POM121L12: variants seen among roughly 807,000 people sequenced by gnomAD.
POM121L12 encodes the protein POM121-like protein 12.
For missense variants in POM121L12, 553 were observed against 409.2 expected, an observed-to-expected ratio of 1.35 and a Z score of -3.03; for synonymous variants, 251 against 179.2, an observed-to-expected ratio of 1.40 and a Z score of -3.20.
At position 53,036,197 on chromosome 7, in the gene POM121L12, G is replaced by A. The variant is rs777301332; in HGVS notation, c.526G>A (p.Glu176Lys). 2 of 1,612,252 alleles carry A rather than the reference G, an allele frequency of 1.2e-6. No individual in the cohort carries two copies. The highest frequency in any genetic ancestry group is 1.7e-6 in the Non-Finnish European group (2 of 1,179,716). Residue 176 changes from glutamate (E) to lysine (K), a missense_variant, in exon 1 of 1, where the codon GAG becomes AAG. Physicochemically the swap from Glu to Lys is moderately conservative, Grantham distance 56. Coordinates refer to ENST00000408890, the MANE Select transcript of POM121L12 (RefSeq NM_182595.4). ...AQELLDPCTR[E>K]TLLGALSQCP... ...GGAGCTCCTGGACCCCTGCACCCGG[G>A]AGACTCTGCTGGGGGCGCTCAGCCA...
At position 53,035,804 on chromosome 7, in the gene POM121L12, T is replaced by A. The variant is rs756451988; in HGVS notation, c.133T>A (p.Ser45Thr). 14 of 1,613,334 alleles carry A rather than the reference T, an allele frequency of 8.7e-6. No homozygotes were observed. In the Admixed American group the frequency reaches 1.7e-4, roughly 19 times the overall value. Residue 45 changes from serine (S) to threonine (T), a missense_variant, in exon 1 of 1, where the codon TCT (serine) becomes ACT (threonine). Ser to Thr is a moderately conservative substitution (Grantham distance 58). Transcript: ENST00000408890. ...RSPSTPQTTP[S>T]PQGRQSPWPL... ...ACCCAGCACGCCCCAGACCACGCCA[T>A]CTCCCCAGGGTCGCCAGAGTCCCTG... is the stretch of plus-strand genomic sequence containing the variant.
chr7:53,036,590 G>A lies in POM121L12; in HGVS notation c.*28G>A. ...ATCTGGGCTCTGCTACCCACCTCCG[G>A]AGACACAAGCCCACGTATCTACTTT... On this transcript the variant is annotated 3_prime_UTR_variant, in exon 1 of 1. Transcript: ENST00000408890. The A allele has an allele frequency of 6.4e-7, 1 of 1,571,636 alleles. No homozygotes were observed. The highest frequency in any genetic ancestry group is 2.2e-5 in the East Asian group (1 of 44,516).
Position 53,036,636 on chromosome 7 carries a change from A to G in POM121L12, c.*74A>G, listed in dbSNP as rs908454082. On this transcript the variant is annotated 3_prime_UTR_variant, in exon 1 of 1. Coordinates refer to ENST00000408890, the MANE Select transcript of POM121L12 (RefSeq NM_182595.4). ...ACTTTCACTTGCTCATCCTTGCTCT[A>G]CCTCAACGTGGGGCCCTGACACCAC... The G allele has an allele frequency of 7.4e-6, 11 of 1,484,354 alleles. No homozygotes were observed. Among genetic ancestry groups the G allele is most frequent in the Middle Eastern group, 1.8e-4 (1 of 5,578 alleles). 91.9% of individuals were successfully genotyped at this position (1,484,354 alleles called of 1,614,324 possible). A position where few individuals can be genotyped will look rare whatever the true frequency, so the allele number is the denominator to read the frequency against.
rs775680595 is a variant in POM121L12, at chr7:53,035,905, C to A, written c.234C>A (p.Ile78=). 2 of 1,613,032 alleles carry A rather than the reference C, an allele frequency of 1.2e-6. No individual in the cohort carries two copies. The highest frequency in any genetic ancestry group is 1.1e-5 in the South Asian group (1 of 91,064). The part of the protein sequence containing the change: ...WGRPVPSTHL[I]EVRPTQDPAK... ...GCCCGGTGCCCAGCACCCACCTCAT[C>A]GAGGTGCGGCCCACCCAGGACCCCG... The change falls in exon 1 of 1, where the codon ATC becomes ATA. Residue 78 remains isoleucine, a synonymous_variant. Transcript: ENST00000408890.
rs1001273523 is a variant in POM121L12, at chr7:53,036,688, C to T, written c.*126C>T. ...TTATCAAACATGCAGCCCCCACACCCCTCGTCTGCCCGCCCCCAGATCTTC... is the reference window on the plus strand; with the variant it reads ...TTATCAAACATGCAGCCCCCACACCTCTCGTCTGCCCGCCCCCAGATCTTC... On this transcript the variant is annotated 3_prime_UTR_variant, in exon 1 of 1. Coordinates refer to ENST00000408890, the MANE Select transcript of POM121L12 (RefSeq NM_182595.4). 2.0e-5 allele frequency: 20 copies of T among 1,013,810 alleles called. No homozygotes were observed. The highest frequency in any genetic ancestry group is 2.8e-5 in the Admixed American group (1 of 36,036). The allele number at this position is 1,013,810 out of a possible 1,614,324, so 62.8% of individuals were successfully genotyped here.
rs79921359 is a variant in POM121L12 at position 53,036,036 on chromosome 7, G to C, written c.365G>C (p.Gly122Ala). 3,110 of 1,613,078 alleles carry C rather than the reference G, an allele frequency of 1.9e-3. 38 individuals carry two copies. The African/African-American group carries it at 0.029, about 15-fold the overall frequency. Reference sequence around the variant, plus strand: ...TGTGCCTGGGAGGGTTGCATGAAAGGGGGGCTGTGTCGTGCCTGGAACCCA... The same window carrying C: ...TGTGCCTGGGAGGGTTGCATGAAAGCGGGGCTGTGTCGTGCCTGGAACCCA... ...LSCAWEGCMK[G>A]GLCRAWNPGR... The change falls in exon 1 of 1, where the codon GGG (glycine) becomes GCG (alanine). Residue 122 changes from glycine to alanine, a missense_variant. Coordinates refer to ENST00000408890, the MANE Select transcript of POM121L12 (RefSeq NM_182595.4).
chr7:53,036,189 G>A lies in POM121L12; in HGVS notation c.518G>A (p.Cys173Tyr), dbSNP rs750896609. ...RPAAQELLDP[C>Y]TRETLLGALS... ...GCCGCCCAGGAGCTCCTGGACCCCT[G>A]CACCCGGGAGACTCTGCTGGGGGCG... is the stretch of plus-strand genomic sequence containing the variant. Residue 173 changes from cysteine (C) to tyrosine (Y), a missense_variant, in exon 1 of 1, where the codon TGC becomes TAC. Physicochemically the swap from Cys to Tyr is radical, Grantham distance 194. Coordinates refer to ENST00000408890, the MANE Select transcript of POM121L12 (RefSeq NM_182595.4). 6.2e-7 allele frequency: 1 copy of A among 1,611,402 alleles called. No homozygotes were observed. Among genetic ancestry groups the A allele is most frequent in the Admixed American group, 1.7e-5 (1 of 59,966 alleles).
chr7:53,036,832 A>G lies in POM121L12; in HGVS notation c.*270A>G. On this transcript the variant is annotated 3_prime_UTR_variant, in exon 1 of 1. Coordinates refer to ENST00000408890, the MANE Select transcript of POM121L12 (RefSeq NM_182595.4). ...TCCTCTGAAAAGAGGCATTTCGGGAAGGCTTGCTTTTTCTCCATGTCTCCC... is the reference window on the plus strand; with the variant it reads ...TCCTCTGAAAAGAGGCATTTCGGGAGGGCTTGCTTTTTCTCCATGTCTCCC... The G allele has an allele frequency of 2.2e-6, 1 of 450,900 alleles. No homozygotes were observed. Among genetic ancestry groups the G allele is most frequent in the Non-Finnish European group, 4.0e-6 (1 of 247,096 alleles). The allele number at this position is 450,900 out of a possible 1,614,324, so 27.9% of individuals were successfully genotyped here. A position where few individuals can be genotyped will look rare whatever the true frequency, so the allele number is the denominator to read the frequency against.
At position 53,036,254 on chromosome 7, in the gene POM121L12, C is replaced by A. The variant is rs1282004072; in HGVS notation, c.583C>A (p.Pro195Thr). The change falls in exon 1 of 1, where the codon CCG becomes ACG. Residue 195 changes from proline to threonine, a missense_variant. Physicochemically the swap from Pro to Thr is conservative, Grantham distance 38 (BLOSUM62 -1). Coordinates refer to ENST00000408890, the MANE Select transcript of POM121L12 (RefSeq NM_182595.4). ...CPKGSARFDG[P>T]LWFEVSDSKG... ...CAAGGGAAGCGCTAGGTTCGACGGG[C>A]CGTTGTGGTTCGAGGTCTCAGACAG... 6.2e-7 allele frequency: 1 copy of A among 1,614,044 alleles called. No homozygotes were observed. Among genetic ancestry groups the A allele is most frequent in the Admixed American group, 1.7e-5 (1 of 60,026 alleles).
chr7:53,036,644 G>C lies in POM121L12; in HGVS notation c.*82G>C, dbSNP rs2116358910. On this transcript the variant is annotated 3_prime_UTR_variant, in exon 1 of 1. Coordinates refer to ENST00000408890, the MANE Select transcript of POM121L12 (RefSeq NM_182595.4). Reference sequence around the variant, plus strand: ...TTGCTCATCCTTGCTCTACCTCAACGTGGGGCCCTGACACCACGTTATCAA... The same window carrying C: ...TTGCTCATCCTTGCTCTACCTCAACCTGGGGCCCTGACACCACGTTATCAA... 6.9e-7 allele frequency: 1 copy of C among 1,443,366 alleles called. No individual in the cohort carries two copies. 89.4% of individuals were successfully genotyped at this position (1,443,366 alleles called of 1,614,324 possible).
chr7:53,035,967 G>A lies in POM121L12; in HGVS notation c.296G>A (p.Arg99His), dbSNP rs527696246. Residue 99 changes from arginine to histidine, a missense_variant, in exon 1 of 1, where the codon CGC (arginine) becomes CAC (histidine). Physicochemically the swap from Arg to His is conservative, Grantham distance 29. Coordinates refer to ENST00000408890, the MANE Select transcript of POM121L12 (RefSeq NM_182595.4). ...PQRVVSEGWR[R>H]PALPGETALG... ...CGGGTGGTCTCCGAGGGCTGGAGGC[G>A]CCCTGCCCTTCCCGGGGAGACCGCT... 89 of 1,612,502 alleles carry A rather than the reference G, an allele frequency of 5.5e-5. 1 individual carries two copies. Among genetic ancestry groups the A allele is most frequent in the Admixed American group, 5.3e-4 (32 of 59,984 alleles).
In POM121L12 at chr7:53,036,277, C is replaced by G. The variant is rs995859210; in HGVS notation, c.606C>G (p.Asp202Glu). The stretch of plus-strand genomic sequence containing the variant: ...GGCCGTTGTGGTTCGAGGTCTCAGA[C>G]AGCAAGGGTGGCAGGCGGAACCTGC... ...FDGPLWFEVSDSKGGRRNLQP... is the reference protein window; with the variant it reads ...FDGPLWFEVSESKGGRRNLQP... The change falls in exon 1 of 1, where the codon GAC (aspartate) becomes GAG (glutamate). Residue 202 changes from aspartate to glutamate, a missense_variant. Transcript: ENST00000408890. 1 of 1,614,000 alleles carries G rather than the reference C, an allele frequency of 6.2e-7. No individual in the cohort carries two copies. Among genetic ancestry groups the G allele is most frequent in the Non-Finnish European group, 8.5e-7 (1 of 1,180,022 alleles).
rs202031574 is a variant in POM121L12 at position 53,036,449 on chromosome 7, G to T, written c.778G>T (p.Ala260Ser). ...DAWPSVLVQP[A>S]PSAIWDFWEA... ...TTGGCCTTCCGTGCTGGTCCAGCCC[G>T]CCCCATCCGCCATCTGGGACTTCTG... The change falls in exon 1 of 1, where the codon GCC becomes TCC. Residue 260 changes from alanine (A) to serine (S), a missense_variant. Transcript: ENST00000408890. The T allele has an allele frequency of 5.6e-6, 9 of 1,613,578 alleles. No individual in the cohort carries two copies. The highest frequency in any genetic ancestry group is 5.0e-5 in the Admixed American group (3 of 60,000).
rs1248753814 is a variant in POM121L12, at chr7:53,036,389, C to T, written c.718C>T (p.Leu240Phe). 4 of 1,613,564 alleles carry T rather than the reference C, an allele frequency of 2.5e-6. No homozygotes were observed. The highest frequency in any genetic ancestry group is 3.4e-6 in the Non-Finnish European group (4 of 1,179,930). Residue 240 changes from leucine (L) to phenylalanine (F), a missense_variant, in exon 1 of 1, where the codon CTC becomes TTC. Transcript: ENST00000408890. Reference sequence around the variant, plus strand: ...CAGGCCAGGGCCTCTGAAGCCGAGCCTCGGCCCCTGGAGCCTCAGTTTTTG... The same window carrying T: ...CAGGCCAGGGCCTCTGAAGCCGAGCTTCGGCCCCTGGAGCCTCAGTTTTTG... ...VPRPGPLKPS[L>F]GPWSLSFCDD... is the part of the protein sequence containing the mutation.
At position 53,036,321 on chromosome 7, in the gene POM121L12, T is replaced by G; in HGVS notation, c.650T>G (p.Phe217Cys). Residue 217 changes from phenylalanine to cysteine, a missense_variant, in exon 1 of 1, where the codon TTC (phenylalanine) becomes TGC (cysteine). By Grantham distance (205) the Phe-to-Cys change is radical (BLOSUM62 -2). Coordinates refer to ENST00000408890, the MANE Select transcript of POM121L12 (RefSeq NM_182595.4). ...AACCTGCAGCCCCGGCCCTCTGCCT[T>G]CAAGCCCCTGAGCAAAAATGGAGCG... ...RRNLQPRPSA[F>C]KPLSKNGAVA... is the part of the protein sequence containing the mutation. 1.2e-6 allele frequency: 2 copies of G among 1,614,006 alleles called. No homozygotes were observed. Among genetic ancestry groups the G allele is most frequent in the Non-Finnish European group, 1.7e-6 (2 of 1,179,992 alleles).
At position 53,035,931 on chromosome 7, in the gene POM121L12, C is replaced by T; in HGVS notation, c.260C>T (p.Ala87Val). The T allele has an allele frequency of 6.2e-7, 1 of 1,612,738 alleles. No homozygotes were observed. The highest frequency in any genetic ancestry group is 8.5e-7 in the Non-Finnish European group (1 of 1,179,628). The change falls in exon 1 of 1, where the codon GCC becomes GTC. Residue 87 changes from alanine (A) to valine (V), a missense_variant. Transcript: ENST00000408890. ...GAGGTGCGGCCCACCCAGGACCCCG[C>T]CAAGCCGCAGCGGGTGGTCTCCGAG... The part of the protein sequence containing the change: ...LIEVRPTQDP[A>V]KPQRVVSEGW...
At position 53,036,035 on chromosome 7, in the gene POM121L12, G is replaced by C. The variant is rs148025564; in HGVS notation, c.364G>C (p.Gly122Arg). ...LSCAWEGCMK[G>R]GLCRAWNPGR... Reference sequence around the variant, plus strand: ...CTGTGCCTGGGAGGGTTGCATGAAAGGGGGGCTGTGTCGTGCCTGGAACCC... The same window carrying C: ...CTGTGCCTGGGAGGGTTGCATGAAACGGGGGCTGTGTCGTGCCTGGAACCC... Residue 122 changes from glycine to arginine, a missense_variant, in exon 1 of 1, where the codon GGG (glycine) becomes CGG (arginine). Coordinates refer to ENST00000408890, the MANE Select transcript of POM121L12 (RefSeq NM_182595.4). The C allele has an allele frequency of 1.1e-3, 1,787 of 1,613,076 alleles. 12 individuals are homozygous for C. Among genetic ancestry groups the C allele is most frequent in the Non-Finnish European group, 8.1e-4 (958 of 1,179,868 alleles).
Sources: allele counts gnomAD v4.1 joint callset, GRCh38; gene constraint gnomAD v4.1.1; transcripts MANE v1.5; gene names NCBI Gene and HGNC (gene_info 2026-07-23, HGNC 2026-07-21).